The following TBC1D20 variants were observed in gnomAD, a reference collection of about 807,000 sequenced individuals.
TBC1D20 encodes TBC1 domain family member 20.
In TBC1D20, 12 loss-of-function variants were observed where a neutral mutation model predicts 41.6. That is an observed-to-expected ratio of 0.29 (90% CI 0.18 to 0.47). The LOEUF is 0.47. Among genes scored for constraint, TBC1D20 ranks in the 20% least tolerant of loss-of-function variants. The pLI is 1.00. For synonymous variants in TBC1D20, 205 were observed against 204.8 expected (o/e 1.00, Z -0.01); for missense variants, 421 against 517.4 (o/e 0.81, Z 1.81).
At chr20:461,485 G>A (rs1316347699) in intron 1 of TBC1D20, among the ~76,000 whole-genome samples, 1 of 152,154 alleles carries the variant, frequency 6.6e-6, no homozygotes, top group Non-Finnish European at 1.5e-5. Context: ...TCAGCCTCCA[G>A]AGTCGTTGGG....
intron 1 of TBC1D20, among the ~76,000 whole-genome samples, chr20:449,509 C>G (rs1323769556): frequency 1.3e-4 from 1 of 7,638 alleles, no homozygotes; most frequent in African/African-American, 2.0e-3. Context: ...GCAGGAGAGT[C>G]GCTTGAAACC....
In TBC1D20 at chr20:441,904, C is replaced by G; in HGVS notation, c.477G>C (p.Glu159Asp). 1 of 1,614,094 alleles carries G rather than the reference C, an allele frequency of 6.2e-7. No homozygotes were observed. Among genetic ancestry groups the G allele is most frequent in the Non-Finnish European group, 8.5e-7 (1 of 1,180,014 alleles). The change falls in exon 4 of 8, where the codon GAG (glutamate) becomes GAC (aspartate). Residue 159 changes from glutamate (E) to aspartate (D), a missense_variant. Physicochemically the swap from Glu to Asp is conservative, Grantham distance 45. Coordinates refer to ENST00000354200, the MANE Select transcript of TBC1D20 (RefSeq NM_144628.4). ...IVVTFLLVVGERLATSLVEKL... is the reference protein window; with the variant it reads ...IVVTFLLVVGDRLATSLVEKL... ...TTTCTACCAGGGATGTTGCCAGCCTCTCGCCTACCACCAGCAGAAATGTGA... is the reference window on the plus strand; with the variant it reads ...TTTCTACCAGGGATGTTGCCAGCCTGTCGCCTACCACCAGCAGAAATGTGA...
rs574363472 is a variant in TBC1D20, at chr20:444,693, A to G, written c.337+357T>C. Among the ~76,000 whole-genome samples, 9 of 152,310 alleles carry G rather than the reference A, an allele frequency of 5.9e-5. No homozygotes were observed. In the East Asian group the frequency reaches 1.2e-3, roughly 20 times the overall value. ...CTTACATATGTATGCGCAAGGTACCATCGTTTTTAAACCTAATTAAGATAT... is the reference window on the plus strand; with the variant it reads ...CTTACATATGTATGCGCAAGGTACCGTCGTTTTTAAACCTAATTAAGATAT... On this transcript the variant is annotated intron_variant, in intron 3 of 7. Coordinates refer to ENST00000354200, the MANE Select transcript of TBC1D20 (RefSeq NM_144628.4).
At position 435,576 on chromosome 20, in the gene TBC1D20, C is replaced by T. The variant is rs2017102586; in HGVS notation, c.*3010G>A. On this transcript the variant is annotated 3_prime_UTR_variant, in exon 8 of 8. Coordinates refer to ENST00000354200, the MANE Select transcript of TBC1D20 (RefSeq NM_144628.4). ...ACACAGGGTGAGGTCTGGACGGGTC[C>T]TGGGCAAATGCTGGAGCTTCTGTCC... 1 of 153,692 alleles carries T rather than the reference C, an allele frequency of 6.5e-6. No homozygotes were observed. Among genetic ancestry groups the T allele is most frequent in the African/African-American group, 2.4e-5 (1 of 41,460 alleles). 9.5% of individuals were successfully genotyped at this position (153,692 alleles called of 1,614,324 possible). A position where few individuals can be genotyped will look rare whatever the true frequency, so the allele number is the denominator to read the frequency against.
At chr20:458,602 C>T (rs923118658) in intron 1 of TBC1D20, among the ~76,000 whole-genome samples, 1 of 152,142 alleles carries the variant, frequency 6.6e-6, no homozygotes, top group African/African-American at 2.4e-5. Flanking sequence ...CGTTGAGCCA[C>T]CATACCTGGC....
intron 1 of TBC1D20, among the ~76,000 whole-genome samples, chr20:452,644 A>G (rs952173410): frequency 6.6e-6 from 1 of 152,224 alleles, no homozygotes; most frequent in African/African-American, 2.4e-5. Context: ...CCACTCCAGC[A>G]GAATTCTAAA....
chr20:455,474 CG>C (rs1294289169), intron 1 of TBC1D20, among the ~76,000 whole-genome samples: 1 of 150,576 alleles, frequency 6.6e-6, no homozygotes, highest in Non-Finnish European at 1.5e-5. Flanking sequence ...AAAAATTAGC[CG>C]GGTGTGGTGG....
At chr20:458,081 A>G (rs2017572143) in intron 1 of TBC1D20, among the ~76,000 whole-genome samples, 1 of 152,158 alleles carries the variant, frequency 6.6e-6, no homozygotes, top group African/African-American at 2.4e-5. Flanking sequence ...TAAGAGTATG[A>G]TAATTTTTCT....
chr20:440,144 G>C, intron 6 of TBC1D20, 104 bp downstream of exon 6: 1 of 1,443,866 alleles, frequency 6.9e-7, no homozygotes, highest in South Asian at 1.4e-5. Context: ...GGGAAGTGCT[G>C]TCTTTTGCAT....
chr20:449,285 T>TAAAAAAAAAAA (rs1169245536), intron 1 of TBC1D20, among the ~76,000 whole-genome samples: 2 of 56,928 alleles, frequency 3.5e-5, no homozygotes, highest in African/African-American at 9.2e-5. Flanking sequence ...CCCAATACAT[T>TAAAAAAAAAAA]AAAAAAAAAA....
At chr20:444,941 G>C in intron 3 of TBC1D20, 109 bp downstream of exon 3, 1 of 898,502 alleles carries the variant, frequency 1.1e-6, no homozygotes, top group Non-Finnish European at 1.7e-6. Context: ...AGCAAAAGGA[G>C]AGCTCTGAAG....
intron 5 of TBC1D20, 68 bp from the exon 6 acceptor site, chr20:440,457 G>T (rs2017207346): frequency 6.4e-7 from 1 of 1,563,084 alleles, no homozygotes; most frequent in Admixed American, 2.0e-5. Flanking sequence ...GGGCCTTATA[G>T]CGCTGGTGAG....
At chr20:451,313 G>A (rs2017437878) in intron 1 of TBC1D20, among the ~76,000 whole-genome samples, 1 of 152,196 alleles carries the variant, frequency 6.6e-6, no homozygotes, top group African/African-American at 2.4e-5. Context: ...GGGAGGCCAA[G>A]GCAGGCAGAT....
In TBC1D20 at chr20:462,401, G is replaced by C; in HGVS notation, c.5C>G (p.Ala2Gly). The C allele has an allele frequency of 8.0e-7, 1 of 1,247,036 alleles. No individual in the cohort carries two copies. Among genetic ancestry groups the C allele is most frequent in the South Asian group, 2.4e-5 (1 of 40,842 alleles). 77.2% of individuals were successfully genotyped at this position (1,247,036 alleles called of 1,614,324 possible). A position where few individuals can be genotyped will look rare whatever the true frequency, so the allele number is the denominator to read the frequency against. Residue 2 changes from alanine to glycine, a missense_variant, in exon 1 of 8, where the codon GCC becomes GGC. Physicochemically the swap from Ala to Gly is moderately conservative, Grantham distance 60. Around this residue, in one of 3 missense-constraint regions of TBC1D20, gnomAD observed 150 missense variants for 151.3 expected, o/e 0.99. Coordinates refer to ENST00000354200, the MANE Select transcript of TBC1D20 (RefSeq NM_144628.4). Reference sequence around the variant, plus strand: ...GCCGTCGCCCTGCGCACTCCGGAGGGCCATGCCCCGGGGCCCCGGGCCCCC... The same window carrying C: ...GCCGTCGCCCTGCGCACTCCGGAGGCCCATGCCCCGGGGCCCCGGGCCCCC... M[A>G]LRSAQGDGPT... is the part of the protein sequence containing the mutation.
intron 6 of TBC1D20, 148 bp downstream of exon 6, chr20:440,100 T>C: frequency 2.9e-6 from 3 of 1,019,938 alleles, no homozygotes; most frequent in Non-Finnish European, 2.8e-6. Flanking sequence ...CCCCCATTAA[T>C]ACTGCACAGA....
chr20:443,075 G>A (rs1305716821), intron 3 of TBC1D20, among the ~76,000 whole-genome samples: 13 of 152,106 alleles, frequency 8.5e-5, no homozygotes, highest in Admixed American at 5.9e-4. Flanking sequence ...ACTGCAGCCC[G>A]GGCGAGAGAG....
At chr20:451,353 T>C (rs1435333652) in intron 1 of TBC1D20, among the ~76,000 whole-genome samples, 1 of 152,174 alleles carries the variant, frequency 6.6e-6, no homozygotes, top group Non-Finnish European at 1.5e-5. Context: ...GAGACCAGCC[T>C]GGCCAACATG....
At position 437,471 on chromosome 20, in the gene TBC1D20, C is replaced by T. The variant is rs1294060027; in HGVS notation, c.*1115G>A. On this transcript the variant is annotated 3_prime_UTR_variant, in exon 8 of 8. Transcript: ENST00000354200. Reference sequence around the variant, plus strand: ...GCTGTCCCAGAAGGACTGAGTGATGCCTCTTGTTCCCTAAGGTCTGGAGAG... The same window carrying T: ...GCTGTCCCAGAAGGACTGAGTGATGTCTCTTGTTCCCTAAGGTCTGGAGAG... 6.6e-6 allele frequency: 1 copy of T among 152,564 alleles called. No homozygotes were observed. The highest frequency in any genetic ancestry group is 1.5e-5 in the Non-Finnish European group (1 of 68,028). 9.5% of individuals were successfully genotyped at this position (152,564 alleles called of 1,614,324 possible).
chr20:460,242 A>T (rs1184926784), intron 1 of TBC1D20, among the ~76,000 whole-genome samples: 1 of 152,128 alleles, frequency 6.6e-6, no homozygotes, highest in Non-Finnish European at 1.5e-5. Context: ...AGGGAGACAG[A>T]CATACCCCTA....
Sources: gnomAD v4.1 joint callset for allele counts (sites outside exome capture counted in the v4.1 genomes callset) on GRCh38, gnomAD v4.1.1 for gene constraint, gnomAD v4.1.1 regional missense constraint, MANE v1.5 for transcripts, NCBI Gene and HGNC (gene_info 2026-07-23, HGNC 2026-07-21) for gene names.